The following APPL2 variants were observed in gnomAD, a reference collection of about 807,000 sequenced individuals.
APPL2 encodes the protein adaptor protein, phosphotyrosine interacting with PH domain and leucine zipper 2.
Under a neutral mutation model 92.7 loss-of-function variants are expected in APPL2, and 84 were observed. The observed-to-expected ratio is 0.91, with a 90% CI of 0.76 to 1.09. The LOEUF (loss-of-function observed/expected upper bound fraction) is 1.09, where lower values mean the gene tolerates loss of function less well. Among genes scored for constraint, APPL2 ranks in the 50% least tolerant of loss-of-function variants. The pLI is 0.00. For synonymous variants in APPL2, 291 were observed against 291.0 expected, an observed-to-expected ratio of 1.00 and a Z score of 0.00; for missense variants, 736 against 824.5, an observed-to-expected ratio of 0.89 and a Z score of 1.31.
In APPL2 at chr12:105,211,309, A is replaced by T; in HGVS notation, c.294T>A (p.Leu98=). ...YFSKVVDELN[L]LHTELAKQLA... is the part of the protein sequence containing the mutation. ...ACTGTTTAGCCAGCTCTGTATGGAG[A>T]AGATTAAGCTGAAAGAAAGAGAATG... The change falls in exon 5 of 21, where the codon CTT becomes CTA. Residue 98 remains leucine, a synonymous_variant. Transcript: ENST00000258530. 2.5e-6 allele frequency: 4 copies of T among 1,610,228 alleles called. No homozygotes were observed. Among genetic ancestry groups the T allele is most frequent in the Non-Finnish European group, 2.5e-6 (3 of 1,176,510 alleles).
chr12:105,191,728 T>G (rs778281084), intron 14 of APPL2, among the ~76,000 whole-genome samples: 12 of 152,222 alleles, frequency 7.9e-5, no homozygotes, highest in Non-Finnish European at 1.3e-4. Context: ...CATAATTGAC[T>G]TAAAGCATCT....
intron 14 of APPL2, among the ~76,000 whole-genome samples, chr12:105,191,685 T>A (rs1887211382): frequency 6.6e-6 from 1 of 152,192 alleles, no homozygotes; most frequent in African/African-American, 2.4e-5. Flanking sequence ...AGGATCTCCA[T>A]GTCATCAGCT....
intron 17 of APPL2, 114 bp from the exon 18 acceptor site, chr12:105,177,376 G>T: frequency 8.8e-7 from 1 of 1,137,412 alleles, no homozygotes; most frequent in Non-Finnish European, 1.3e-6. Flanking sequence ...GATAAAGCCT[G>T]TTAGAGGGTG....
chr12:105,183,680 G>A (rs1034988688), intron 17 of APPL2, among the ~76,000 whole-genome samples: 1 of 152,138 alleles, frequency 6.6e-6, no homozygotes, highest in African/African-American at 2.4e-5. Flanking sequence ...CTCTCTGGCT[G>A]CCCTTAACAT....
intron 8 of APPL2, among the ~76,000 whole-genome samples, chr12:105,205,740 A>G (rs1301087206): frequency 6.6e-6 from 1 of 152,228 alleles, no homozygotes; most frequent in Non-Finnish European, 1.5e-5. Context: ...AAGAGAACAA[A>G]GAGAGCCCCG....
Position 105,189,010 on chromosome 12 carries a change from G to A in APPL2, c.1460-563C>T, listed in dbSNP as rs117195010. ...CAGCAACCATAACTAGAAGACCAAA[G>A]AAGGTTTTTTCTTTTTTTTCTTTTT... On this transcript the variant is annotated intron_variant, in intron 16 of 20. Coordinates refer to ENST00000258530, the MANE Select transcript of APPL2 (RefSeq NM_018171.5). 9.9e-5 allele frequency among the ~76,000 whole-genome samples: 15 copies of A among 152,154 alleles called. No homozygotes were observed. In the East Asian group the frequency reaches 2.9e-3, roughly 29 times the overall value.
At chr12:105,192,368 A>G (rs1365506126) in intron 14 of APPL2, among the ~76,000 whole-genome samples, 12 of 152,142 alleles carry the variant, frequency 7.9e-5, no homozygotes, top group South Asian at 2.1e-4. Context: ...TGGAAAATGG[A>G]GAGTGGGTAT....
chr12:105,195,864 G>A (rs1404052789), intron 11 of APPL2, among the ~76,000 whole-genome samples: 1 of 152,098 alleles, frequency 6.6e-6, no homozygotes, highest in East Asian at 1.9e-4. Context: ...AGACCAGCCT[G>A]GGCAACATGG....
At chr12:105,190,439 C>T (rs984267229) in intron 14 of APPL2, among the ~76,000 whole-genome samples, 4 of 152,150 alleles carry the variant, frequency 2.6e-5, no homozygotes, top group Non-Finnish European at 4.4e-5. Flanking sequence ...TTTTGGAGGG[C>T]CTATGCTATA....
rs1258945986 is a variant in APPL2 at position 105,174,269 on chromosome 12, G to T, written c.*45C>A. On this transcript the variant is annotated 3_prime_UTR_variant, in exon 21 of 21. Coordinates refer to ENST00000258530, the MANE Select transcript of APPL2 (RefSeq NM_018171.5). ...TCAGAGACGTTAAAACCCTTAGGAG[G>T]TAGCTCTCCTTCCTGTTTGCTCTTC... 1.9e-6 allele frequency: 3 copies of T among 1,604,770 alleles called. No individual in the cohort carries two copies. In the African/African-American group the frequency reaches 4.0e-5, roughly 22 times the overall value.
chr12:105,204,314 A>G (rs949657522), intron 8 of APPL2, among the ~76,000 whole-genome samples: 3 of 152,208 alleles, frequency 2.0e-5, no homozygotes, highest in Admixed American at 2.0e-4. Flanking sequence ...TCTCTCACAC[A>G]TTAACCCGGC....
At chr12:105,217,807 T>C in intron 2 of APPL2, 82 bp from the exon 3 acceptor site, 1 of 1,324,512 alleles carries the variant, frequency 7.5e-7, no homozygotes. Context: ...GAGAATCCCT[T>C]AAAAAGTAAT....
At chr12:105,185,705 G>A (rs1023922956) in intron 17 of APPL2, among the ~76,000 whole-genome samples, 3 of 152,034 alleles carry the variant, frequency 2.0e-5, no homozygotes, top group African/African-American at 7.3e-5. Flanking sequence ...CACCTTGTCT[G>A]GGAATCAATT....
At chr12:105,223,066 G>C (rs1422715629) in intron 2 of APPL2, among the ~76,000 whole-genome samples, 2 of 152,246 alleles carry the variant, frequency 1.3e-5, no homozygotes, top group Non-Finnish European at 2.9e-5. Flanking sequence ...GAAGGATTTA[G>C]CATGCCTTGC....
chr12:105,191,434 ATAATAAG>A (rs1381979033), intron 14 of APPL2, among the ~76,000 whole-genome samples: 1 of 152,214 alleles, frequency 6.6e-6, no homozygotes, highest in Non-Finnish European at 1.5e-5. Flanking sequence ...GGGCTGTGAT[ATAATAAG>A]TGGTAAGCAC....
At chr12:105,201,347 C>T (rs1399156167) in intron 9 of APPL2, among the ~76,000 whole-genome samples, 15 of 152,250 alleles carry the variant, frequency 9.9e-5, no homozygotes, top group South Asian at 4.1e-4. Context: ...GTCACTGCCC[C>T]GGCTGAGAGA....
At chr12:105,187,735 A>G (rs1886851447) in intron 17 of APPL2, among the ~76,000 whole-genome samples, 1 of 152,240 alleles carries the variant, frequency 6.6e-6, no homozygotes, top group Non-Finnish European at 1.5e-5. Context: ...TGTATTTAAC[A>G]CTGAAAACAC....
rs1885257189 is a variant in APPL2, at chr12:105,174,257, A to C, written c.*57T>G. ...TGTGCCTGTATGTCAGAGACGTTAA[A>C]ACCCTTAGGAGGTAGCTCTCCTTCC... On this transcript the variant is annotated 3_prime_UTR_variant, in exon 21 of 21. Transcript: ENST00000258530. 6.3e-7 allele frequency: 1 copy of C among 1,586,854 alleles called. No homozygotes were observed. The highest frequency in any genetic ancestry group is 1.2e-5 in the South Asian group (1 of 86,402).
chr12:105,186,636 C>CGATATA (rs1491368321), intron 17 of APPL2, among the ~76,000 whole-genome samples: 1 of 88,650 alleles, frequency 1.1e-5, no homozygotes, highest in Non-Finnish European at 2.6e-5. Flanking sequence ...TCATATATAT[C>CGATATA]ATATATATGA....
Sources: gnomAD v4.1 joint callset for allele counts (sites outside exome capture counted in the v4.1 genomes callset) on GRCh38, gnomAD v4.1.1 for gene constraint, MANE v1.5 for transcripts, NCBI Gene and HGNC (gene_info 2026-07-23, HGNC 2026-07-21) for gene names.